The following UNC80 variants were observed in gnomAD, a reference collection of about 807,000 sequenced individuals.
The protein encoded by UNC80 is unc-80 subunit of NALCN channel complex.
A neutral mutation model predicts 384.6 loss-of-function variants in UNC80; 164 were observed. The ratio of observed to expected loss-of-function variants is 0.43; its 90% CI spans 0.38 to 0.49. The LOEUF is 0.49. UNC80 is among the 20% of genes least tolerant of loss of function. UNC80 has a pLI of 0.00. For missense variants in UNC80, 3,330 were observed against 4,143.0 expected, an observed-to-expected ratio of 0.80 and a Z score of 5.39; for synonymous variants, 1,486 against 1,527.8, an observed-to-expected ratio of 0.97 and a Z score of 0.64.
chr2:209,924,308 T>C (rs1320141731), intron 35 of UNC80, among the ~76,000 whole-genome samples: 5 of 152,228 alleles, frequency 3.3e-5, no homozygotes, highest in Non-Finnish European at 7.3e-5. Context: ...GTAACTTTCC[T>C]TGACTAATTT....
chr2:209,829,733 C>T (rs2080814360), intron 15 of UNC80, among the ~76,000 whole-genome samples: 1 of 152,072 alleles, frequency 6.6e-6, no homozygotes, highest in African/African-American at 2.4e-5. Context: ...TTCATTAGTT[C>T]AACGGATGTG....
At chr2:209,822,709 T>G (rs2080228011) in intron 13 of UNC80, among the ~76,000 whole-genome samples, 1 of 152,078 alleles carries the variant, frequency 6.6e-6, no homozygotes, top group African/African-American at 2.4e-5. Flanking sequence ...CTTTTTTAGC[T>G]TTGAAATTTT....
At chr2:209,815,425 G>A in intron 9 of UNC80, 34 bp downstream of exon 9, 1 of 1,536,048 alleles carries the variant, frequency 6.5e-7, no homozygotes, top group Non-Finnish European at 8.8e-7. Flanking sequence ...TTGATATTTT[G>A]GTAAATAAAA....
chr2:209,837,624 A>G (rs1305182126), intron 18 of UNC80, among the ~76,000 whole-genome samples: 1 of 152,202 alleles, frequency 6.6e-6, no homozygotes, highest in Non-Finnish European at 1.5e-5. Flanking sequence ...CTCTAAAATA[A>G]AATTATAATG....
intron 22 of UNC80, among the ~76,000 whole-genome samples, chr2:209,863,406 C>T (rs764388016): frequency 8.5e-5 from 13 of 152,078 alleles, no homozygotes; most frequent in African/African-American, 2.2e-4. Flanking sequence ...GAGGTTCTCC[C>T]GCATAATATC....
Position 209,872,981 on chromosome 2 carries a change from G to C in UNC80, c.3840+11G>C, listed in dbSNP as rs978748268. ...TACCAATGGGGAGACGTGAGCTTTCGGTTTTCTTCTATAACAATTAGGTTG... is the reference window on the plus strand; with the variant it reads ...TACCAATGGGGAGACGTGAGCTTTCCGTTTTCTTCTATAACAATTAGGTTG... On this transcript the variant is annotated intron_variant, in intron 23 of 64. Transcript: ENST00000673920. This position sits in a 1 kb window ranked among gnomAD's most constrained non-coding sequence, Gnocchi z 4.1. The C allele has an allele frequency of 1.3e-6, 2 of 1,550,758 alleles. No individual in the cohort carries two copies. Among genetic ancestry groups the C allele is most frequent in the African/African-American group, 2.7e-5 (2 of 72,974 alleles).
chr2:209,878,973 A>C (rs2085026475), intron 24 of UNC80, among the ~76,000 whole-genome samples: 1 of 152,162 alleles, frequency 6.6e-6, no homozygotes, highest in African/African-American at 2.4e-5. Context: ...GCGTAACATT[A>C]GGCAGGACTA....
rs2084369353 is a variant in UNC80, at chr2:209,872,295, T to G, written c.3628-463T>G. On this transcript the variant is annotated intron_variant, in intron 22 of 64. Coordinates refer to ENST00000673920, the MANE Select transcript of UNC80 (RefSeq NM_001371986.1). The surrounding 1 kb of genome is among the most constrained non-coding windows in gnomAD (Gnocchi z 4.1). ...ATGGATGGTTATAGACAAAAGACTATTGCTGGTACAAAATTACTTCTGACG... is the reference window on the plus strand; with the variant it reads ...ATGGATGGTTATAGACAAAAGACTAGTGCTGGTACAAAATTACTTCTGACG... Among the ~76,000 whole-genome samples the G allele has an allele frequency of 6.6e-6, 1 of 152,332 alleles. No homozygotes were observed. Among genetic ancestry groups the G allele is most frequent in the South Asian group, 2.1e-4 (1 of 4,826 alleles).
At chr2:209,979,453 G>A (rs950504883) in intron 59 of UNC80, among the ~76,000 whole-genome samples, 1 of 152,096 alleles carries the variant, frequency 6.6e-6, no homozygotes, top group Non-Finnish European at 1.5e-5. Flanking sequence ...ATATGCCTAG[G>A]ACTCAGAAAA....
chr2:209,965,299 TGGG>T (rs1278931357), intron 51 of UNC80, among the ~76,000 whole-genome samples: 1 of 152,032 alleles, frequency 6.6e-6, no homozygotes, highest in East Asian at 1.9e-4. Context: ...TAGCCGGGCA[TGGG>T]GCTGTGCACC....
At chr2:209,958,103 G>C (rs995716330) in intron 49 of UNC80, among the ~76,000 whole-genome samples, 2 of 152,134 alleles carry the variant, frequency 1.3e-5, no homozygotes. Flanking sequence ...GGCACTCAGA[G>C]TCAACTTACT....
rs2124891102 is a variant in UNC80, at chr2:209,878,067, G to T, written c.3954G>T (p.Glu1318Asp). The T allele has an allele frequency of 3.9e-6, 6 of 1,540,074 alleles. No individual in the cohort carries two copies. The South Asian group carries it at 7.3e-5, about 19-fold the overall frequency. ...AGAGGAGACTTAGAAAGGAGGATGA[G>T]GAGGAAGACTTTTTAGATGACAGTA... ...ETKRRLRKEDEEEDFLDDSTV... is the reference protein window; with the variant it reads ...ETKRRLRKEDDEEDFLDDSTV... The change falls in exon 24 of 65, where the codon GAG (glutamate) becomes GAT (aspartate). Residue 1318 changes from glutamate to aspartate, a missense_variant. Glu to Asp is a conservative substitution (Grantham distance 45). Transcript: ENST00000673920.
chr2:209,832,561 A>G (rs570176834), intron 16 of UNC80, among the ~76,000 whole-genome samples: 2 of 152,324 alleles, frequency 1.3e-5, no homozygotes, highest in East Asian at 3.9e-4. Flanking sequence ...TATTATAACT[A>G]TTGAAACAAT....
At chr2:209,808,639 G>C (rs1283059272) in intron 7 of UNC80, among the ~76,000 whole-genome samples, 11 of 152,134 alleles carry the variant, frequency 7.2e-5, no homozygotes, top group African/African-American at 2.7e-4. Context: ...TCCAATTGGC[G>C]CGAAAGTGAT....
chr2:209,863,235 A>T (rs2083470510), intron 22 of UNC80, among the ~76,000 whole-genome samples: 1 of 152,072 alleles, frequency 6.6e-6, no homozygotes, highest in Non-Finnish European at 1.5e-5. Context: ...TTTGTAGGTG[A>T]CCTGGCCTTT....
chr2:209,841,521 T>C (rs2081748757), intron 20 of UNC80, among the ~76,000 whole-genome samples: 2 of 151,916 alleles, frequency 1.3e-5, no homozygotes, highest in East Asian at 3.9e-4. Flanking sequence ...CCCAGCTAAT[T>C]TTATATTTTT....
At chr2:209,947,621 G>C (rs1450673833) in intron 47 of UNC80, among the ~76,000 whole-genome samples, 4 of 151,924 alleles carry the variant, frequency 2.6e-5, no homozygotes, top group African/African-American at 9.7e-5. Context: ...GTAAGGTCAG[G>C]GTTTCTTAAG....
chr2:209,922,170 C>G, intron 34 of UNC80, 82 bp from the exon 35 acceptor site: 2 of 1,450,342 alleles, frequency 1.4e-6, no homozygotes, highest in Non-Finnish European at 9.4e-7. Flanking sequence ...GAGCAGTATG[C>G]ATTTGTGATA....
intron 51 of UNC80, among the ~76,000 whole-genome samples, chr2:209,967,008 G>A (rs1222844303): frequency 1.3e-5 from 2 of 152,002 alleles, no homozygotes; most frequent in Non-Finnish European, 1.5e-5. Flanking sequence ...TTACAAGGAC[G>A]TTTGATATTA....
Sources: allele counts gnomAD v4.1 joint callset (sites outside exome capture counted in the v4.1 genomes callset), GRCh38; gene constraint gnomAD v4.1.1; non-coding constraint Gnocchi (gnomAD v3.1); transcripts MANE v1.5; gene names NCBI Gene and HGNC (gene_info 2026-07-23, HGNC 2026-07-21).